ADAT2: variants seen among roughly 807,000 people sequenced by gnomAD.
The protein encoded by ADAT2 is tRNA-specific adenosine-34 deaminase catalytic subunit ADAT2.
In ADAT2, 26 loss-of-function variants were observed where a neutral mutation model predicts 25.9. That is an observed-to-expected ratio of 1.00 (90% CI 0.74 to 1.39). ADAT2 has a LOEUF of 1.39. Among genes scored for constraint, ADAT2 ranks in the 40% most tolerant of loss-of-function variants. The pLI, the probability that ADAT2 is intolerant of heterozygous loss-of-function variation, is 0.00. For synonymous variants in ADAT2, 76 were observed against 86.8 expected (o/e 0.88, Z 0.69); for missense variants, 220 against 244.8 (o/e 0.90, Z 0.68).
rs532404922 is a variant in ADAT2, at chr6:143,437,468, T to C, written c.201+1122A>G. On this transcript the variant is annotated intron_variant, in intron 2 of 5. Coordinates refer to ENST00000237283, the MANE Select transcript of ADAT2 (RefSeq NM_182503.3). The surrounding 1 kb of genome is among the most constrained non-coding windows in gnomAD (Gnocchi z 4.1). ...AATATTAGTCTCTCTGTTACTGATT[T>C]CTAAGAACTCATTTCTGATTAAGGA... Among the ~76,000 whole-genome samples, 16 of 152,342 alleles carry C rather than the reference T, an allele frequency of 1.1e-4. No individual in the cohort carries two copies. In the Middle Eastern group the frequency reaches 0.014, roughly 130 times the overall value.
chr6:143,431,051 CG>C (rs1452304199), intron 4 of ADAT2, among the ~76,000 whole-genome samples: 23 of 151,564 alleles, frequency 1.5e-4, no homozygotes, highest in Admixed American at 1.2e-3. Context: ...TAAGCCCAGA[CG>C]AATTAAAAAA....
At chr6:143,450,315 T>A (rs575082190) in intron 1 of ADAT2, among the ~76,000 whole-genome samples, 34 of 152,248 alleles carry the variant, frequency 2.2e-4, no homozygotes, top group African/African-American at 7.5e-4. Context: ...GACAGAATGT[T>A]AAGTCTGCAG....
Position 143,444,825 on chromosome 6 carries a change from A to G in ADAT2, c.96+5738T>C. 4.7e-6 allele frequency: 4 copies of G among 842,606 alleles called. No homozygotes were observed. The South Asian group carries it at 7.8e-5, about 16-fold the overall frequency. The allele number at this position is 842,606 out of a possible 1,614,324, so 52.2% of individuals were successfully genotyped here. A position where few individuals can be genotyped will look rare whatever the true frequency, so the allele number is the denominator to read the frequency against. ...CCAGATACAGATAATGAAAGCACCT[A>G]GATGGAAGAGACTTCGTAGTTTATT... is the stretch of plus-strand genomic sequence containing the variant. On this transcript the variant is annotated intron_variant, in intron 1 of 5. Coordinates refer to ENST00000237283, the MANE Select transcript of ADAT2 (RefSeq NM_182503.3). The surrounding 1 kb of genome is among the most constrained non-coding windows in gnomAD (Gnocchi z 4.3).
Position 143,432,333 on chromosome 6 carries a change from C to G in ADAT2, c.459+172G>C, listed in dbSNP as rs1014282069. On this transcript the variant is annotated intron_variant, in intron 4 of 5. Transcript: ENST00000237283. This position sits in a 1 kb window ranked among gnomAD's most constrained non-coding sequence, Gnocchi z 4.4. ...GGTAGGCACTCATCTAGAAACTCTT[C>G]CCTGTCATCTTATACTGAGGCATAA... 6.6e-6 allele frequency among the ~76,000 whole-genome samples: 1 copy of G among 152,148 alleles called. No homozygotes were observed.
At position 143,434,565 on chromosome 6, in the gene ADAT2, C is replaced by T. The variant is rs1348010284; in HGVS notation, c.202-584G>A. Among the ~76,000 whole-genome samples the T allele has an allele frequency of 1.3e-5, 2 of 152,166 alleles. No individual in the cohort carries two copies. The highest frequency in any genetic ancestry group is 4.8e-5 in the African/African-American group (2 of 41,440). On this transcript the variant is annotated intron_variant, in intron 2 of 5. Transcript: ENST00000237283. The surrounding 1 kb of genome is among the most constrained non-coding windows in gnomAD (Gnocchi z 4.5). ...AATCACATAGCATGTGGAAGTGACT[C>T]CATTTAAATTTGAATTTTGACAGTG...
rs1275000744 is a variant in ADAT2, at chr6:143,425,580, T to C, written c.*2883A>G. The C allele has an allele frequency of 1.3e-5, 2 of 151,458 alleles. No homozygotes were observed. Among genetic ancestry groups the C allele is most frequent in the African/African-American group, 2.4e-5 (1 of 41,150 alleles). 9.4% of individuals were successfully genotyped at this position (151,458 alleles called of 1,614,324 possible). On this transcript the variant is annotated 3_prime_UTR_variant, in exon 6 of 6. Coordinates refer to ENST00000237283, the MANE Select transcript of ADAT2 (RefSeq NM_182503.3). ...GGACCCTAGACTGGACCTGGGATTA[T>C]AGGGTAGTGGGAGAACTTCTTTACA...
In ADAT2 at chr6:143,440,222, G is replaced by A. The variant is rs1779417331; in HGVS notation, c.97-1528C>T. On this transcript the variant is annotated intron_variant, in intron 1 of 5. Coordinates refer to ENST00000237283, the MANE Select transcript of ADAT2 (RefSeq NM_182503.3). The surrounding 1 kb of genome is among the most constrained non-coding windows in gnomAD (Gnocchi z 4.5). ...TGGCAGCCCTGAAGAGACTTTGGAA[G>A]ACTTGATTCTCACTTAAGTGCAGGT... Among the ~76,000 whole-genome samples, 1 of 152,184 alleles carries A rather than the reference G, an allele frequency of 6.6e-6. No homozygotes were observed. The highest frequency in any genetic ancestry group is 2.4e-5 in the African/African-American group (1 of 41,444).
rs1459051445 is a variant in ADAT2 at position 143,442,823 on chromosome 6, G to A, written c.97-4129C>T. Reference sequence around the variant, plus strand: ...AACACTAGGCCAAGAAGGAAGGGTGGTCAAGTGTGTCTAATTCAGCAAGGT... The same window carrying A: ...AACACTAGGCCAAGAAGGAAGGGTGATCAAGTGTGTCTAATTCAGCAAGGT... On this transcript the variant is annotated intron_variant, in intron 1 of 5. Transcript: ENST00000237283. This position sits in a 1 kb window ranked among gnomAD's most constrained non-coding sequence, Gnocchi z 4.6. Among the ~76,000 whole-genome samples, 1 of 152,164 alleles carries A rather than the reference G, an allele frequency of 6.6e-6. No individual in the cohort carries two copies. The highest frequency in any genetic ancestry group is 1.5e-5 in the Non-Finnish European group (1 of 68,028).
rs773972431 is a variant in ADAT2 at position 143,450,667 on chromosome 6, A to C, written c.-9T>G. 1.2e-6 allele frequency: 2 copies of C among 1,612,736 alleles called. No homozygotes were observed. The highest frequency in any genetic ancestry group is 1.7e-6 in the Non-Finnish European group (2 of 1,179,924). ...GCCGCCTTCGCCTCCATACCCAGCC[A>C]CCACTCAGCTACAGAGCCCGCGGCA... On this transcript the variant is annotated 5_prime_UTR_variant, in exon 1 of 6. Transcript: ENST00000237283.
At chr6:143,448,715 TATC>T (rs1278652564) in intron 1 of ADAT2, among the ~76,000 whole-genome samples, 1 of 152,052 alleles carries the variant, frequency 6.6e-6, no homozygotes, top group Non-Finnish European at 1.5e-5. Flanking sequence ...CTTTTAGAAA[TATC>T]ATGTTCAGGT....
At position 143,436,817 on chromosome 6, in the gene ADAT2, G is replaced by A. The variant is rs1445997692; in HGVS notation, c.201+1773C>T. 6.6e-6 allele frequency: 1 copy of A among 152,076 alleles called. No homozygotes were observed. Among genetic ancestry groups the A allele is most frequent in the Non-Finnish European group, 1.5e-5 (1 of 68,166 alleles). The allele number at this position is 152,076 out of a possible 1,614,324, so 9.4% of individuals were successfully genotyped here. On this transcript the variant is annotated intron_variant, in intron 2 of 5. Transcript: ENST00000237283. The surrounding 1 kb of genome is among the most constrained non-coding windows in gnomAD (Gnocchi z 4.1). Reference sequence around the variant, plus strand: ...TGTGGGCACTTGCTGTTCTTGCTGTGTGTTCACCTCTATTAAAGCATTTCC... The same window carrying A: ...TGTGGGCACTTGCTGTTCTTGCTGTATGTTCACCTCTATTAAAGCATTTCC...
Position 143,444,910 on chromosome 6 carries a change from G to A in ADAT2, c.96+5653C>T, listed in dbSNP as rs769228008. 2.2e-5 allele frequency: 29 copies of A among 1,298,034 alleles called. No individual in the cohort carries two copies. The East Asian group carries it at 1.6e-3, about 71-fold the overall frequency. 80.4% of individuals were successfully genotyped at this position (1,298,034 alleles called of 1,614,324 possible). On this transcript the variant is annotated intron_variant, in intron 1 of 5. Transcript: ENST00000237283. The surrounding 1 kb of genome is among the most constrained non-coding windows in gnomAD (Gnocchi z 4.3). ...TTCTAGTGATGTCATGATAAAAGGG[G>A]GAGAGATGGAAACAGACCTTGTTTG...
chr6:143,428,332 G>C lies in ADAT2; in HGVS notation c.*131C>G. On this transcript the variant is annotated 3_prime_UTR_variant, in exon 6 of 6. Transcript: ENST00000237283. The surrounding 1 kb of genome is among the most constrained non-coding windows in gnomAD (Gnocchi z 5.0). The stretch of plus-strand genomic sequence containing the variant: ...AATTTGTTCCCTTAACAGAGCAAAT[G>C]ATGAGAGACACCATTTTCCTGCAGA... 9.9e-7 allele frequency: 1 copy of C among 1,009,080 alleles called. No homozygotes were observed. Among genetic ancestry groups the C allele is most frequent in the Non-Finnish European group, 1.5e-6 (1 of 688,576 alleles). 62.5% of individuals were successfully genotyped at this position (1,009,080 alleles called of 1,614,324 possible).
intron 4 of ADAT2, among the ~76,000 whole-genome samples, chr6:143,430,846 TG>T (rs1779092565): frequency 6.6e-6 from 1 of 152,200 alleles, no homozygotes; most frequent in African/African-American, 2.4e-5. Context: ...ATTACAGGCA[TG>T]AGCCACTGCA....
chr6:143,438,583 C>A lies in ADAT2; in HGVS notation c.201+7G>T. The A allele has an allele frequency of 6.3e-7, 1 of 1,598,996 alleles. No homozygotes were observed. The highest frequency in any genetic ancestry group is 1.1e-5 in the South Asian group (1 of 90,718). On this transcript the variant is annotated splice_region_variant and intron_variant, in intron 2 of 5. Coordinates refer to ENST00000237283, the MANE Select transcript of ADAT2 (RefSeq NM_182503.3). ...ATGTTTGCAATTATACTGCTCAACT[C>A]ACATACATTTTTGGTTTGGTTAACT...
Position 143,437,240 on chromosome 6 carries a change from A to T in ADAT2, c.201+1350T>A, listed in dbSNP as rs142526340. On this transcript the variant is annotated intron_variant, in intron 2 of 5. Coordinates refer to ENST00000237283, the MANE Select transcript of ADAT2 (RefSeq NM_182503.3). The surrounding 1 kb of genome is among the most constrained non-coding windows in gnomAD (Gnocchi z 4.1). ...ATTTTGAGTAAATTTCCTATAATCA[A>T]TGTAAGCTTTCCCAGTGTTTGAACG... Among the ~76,000 whole-genome samples the T allele has an allele frequency of 1.2e-4, 19 of 152,326 alleles. No homozygotes were observed. In the East Asian group the frequency reaches 3.3e-3, roughly 26 times the overall value.
intron 1 of ADAT2, among the ~76,000 whole-genome samples, chr6:143,445,605 G>A (rs1169277012): frequency 1.3e-5 from 2 of 152,110 alleles, no homozygotes; most frequent in Admixed American, 1.3e-4. Flanking sequence ...CTTGCCAGCT[G>A]TTATCTGACA....
Position 143,442,406 on chromosome 6 carries a change from C to T in ADAT2, c.97-3712G>A, listed in dbSNP as rs1180310751. On this transcript the variant is annotated intron_variant, in intron 1 of 5. Transcript: ENST00000237283. The surrounding 1 kb of genome is among the most constrained non-coding windows in gnomAD (Gnocchi z 4.6). ...CTATAAAGAGGTAGCACAAGGGAGC[C>T]ATGTGGTAGTGAAACAGTTCCAGTG... is the stretch of plus-strand genomic sequence containing the variant. 6.6e-6 allele frequency among the ~76,000 whole-genome samples: 1 copy of T among 151,326 alleles called. No individual in the cohort carries two copies. Among genetic ancestry groups the T allele is most frequent in the Non-Finnish European group, 1.5e-5 (1 of 67,934 alleles).
At position 143,425,498 on chromosome 6, in the gene ADAT2, C is replaced by A. The variant is rs1177677200; in HGVS notation, c.*2965G>T. 2.1e-4 allele frequency: 22 copies of A among 105,736 alleles called. No homozygotes were observed. Among genetic ancestry groups the A allele is most frequent in the Non-Finnish European group, 3.5e-4 (19 of 53,720 alleles). The allele number at this position is 105,736 out of a possible 1,614,324, so 6.5% of individuals were successfully genotyped here. On this transcript the variant is annotated 3_prime_UTR_variant, in exon 6 of 6. Coordinates refer to ENST00000237283, the MANE Select transcript of ADAT2 (RefSeq NM_182503.3). ...CACTGGACGACAGAGTGAGACCTAT[C>A]TCAAAAAAAAAAAAAAAAAAGAAAA...
Sources: gnomAD v4.1 joint callset for allele counts (sites outside exome capture counted in the v4.1 genomes callset) on GRCh38, gnomAD v4.1.1 for gene constraint, Gnocchi (gnomAD v3.1) non-coding constraint, MANE v1.5 for transcripts, NCBI Gene and HGNC (gene_info 2026-07-23, HGNC 2026-07-21) for gene names.